Variants in TRMT1 observed in about 807,000 individuals in gnomAD.
TRMT1 encodes the protein tRNA (guanine(26)-N(2))-dimethyltransferase.
A neutral mutation model predicts 75.4 loss-of-function variants in TRMT1; 63 were observed. That is an observed-to-expected ratio of 0.84 (90% CI 0.68 to 1.03). The LOEUF is 1.03. Ranked by LOEUF, TRMT1 falls within the 50% of genes least tolerant of loss-of-function variation. The pLI is 0.00. For missense variants in TRMT1, 870 were observed against 905.3 expected (o/e 0.96, Z 0.50); for synonymous variants, 382 against 358.1 (o/e 1.07, Z -0.75).
At chr19:13,109,085 G>GGGGTGTGTGTGTGT (rs1240966660) in intron 12 of TRMT1, among the ~76,000 whole-genome samples, 2 of 147,272 alleles carry the variant, frequency 1.4e-5, no homozygotes, top group African/African-American at 5.0e-5. Flanking sequence ...CAGGCTAATG[G>GGGGTGTGTGTGTGT]GTGTGTGTGT....
At chr19:13,109,088 GT>G (rs1265675475) in intron 12 of TRMT1, among the ~76,000 whole-genome samples, 4 of 131,724 alleles carry the variant, frequency 3.0e-5, no homozygotes, top group African/African-American at 1.6e-4. Flanking sequence ...GCTAATGGGT[GT>G]GTGTGTGTGT....
chr19:13,110,237 G>C lies in TRMT1; in HGVS notation c.940C>G (p.Leu314Val). ...ACGTAGAAGTCAGCGCTGATGCTGA[G>C]CAGCGGCACCACGAAGCGCTGGTAG... The part of the protein sequence containing the change: ...NCYQRFVVPL[L>V]SISADFYVRV... The change falls in exon 8 of 17, where the codon CTC becomes GTC. Residue 314 changes from leucine (L) to valine (V), a missense_variant. Physicochemically the swap from Leu to Val is conservative, Grantham distance 32. Coordinates refer to ENST00000357720, the MANE Select transcript of TRMT1 (RefSeq NM_001136035.4). 6.2e-7 allele frequency: 1 copy of C among 1,612,076 alleles called. No homozygotes were observed. Among genetic ancestry groups the C allele is most frequent in the East Asian group, 2.2e-5 (1 of 44,790 alleles).
At position 13,116,143 on chromosome 19, in the gene TRMT1, C is replaced by T; in HGVS notation, c.254+3G>A. The T allele has an allele frequency of 1.2e-6, 2 of 1,614,132 alleles. No individual in the cohort carries two copies. Among genetic ancestry groups the T allele is most frequent in the Non-Finnish European group, 1.7e-6 (2 of 1,180,024 alleles). On this transcript the variant is annotated splice_donor_region_variant and intron_variant, in intron 2 of 16. Transcript: ENST00000357720. ...GCCAGGCTAACGTCTGACCCCTGCT[C>T]ACGTCAGGTCCCGATTGAATTCCTG...
At position 13,105,025 on chromosome 19, in the gene TRMT1, C is replaced by T. The variant is rs1270949489; in HGVS notation, c.1890G>A (p.Arg630=). ...AGTCAGGGGCAGCATCAGCAGAAAC[C>T]CTGGGTGTCGGGGGGCTGTGGGAGT... ...CCYSHSPPTP[R]VSADAAPDCP... Residue 630 remains arginine (R), a synonymous_variant, in exon 17 of 17, where the codon AGG becomes AGA. Transcript: ENST00000357720. 3 of 1,611,596 alleles carry T rather than the reference C, an allele frequency of 1.9e-6. No homozygotes were observed. Among genetic ancestry groups the T allele is most frequent in the African/African-American group, 2.7e-5 (2 of 74,876 alleles).
intron 14 of TRMT1, among the ~76,000 whole-genome samples, chr19:13,107,328 T>C (rs1306922843): frequency 6.6e-6 from 1 of 150,930 alleles, no homozygotes; most frequent in Non-Finnish European, 1.5e-5. Flanking sequence ...TTAGTAGAGA[T>C]GGGGTTCCAC....
chr19:13,111,739 G>A (rs562763604), intron 7 of TRMT1, among the ~76,000 whole-genome samples: 5 of 147,254 alleles, frequency 3.4e-5, no homozygotes, highest in South Asian at 2.2e-4. Flanking sequence ...TTGCTCTGTC[G>A]CCCAGGCTGG....
At chr19:13,115,876 G>A in intron 3 of TRMT1, 108 bp from the exon 4 acceptor site, 1 of 1,604,722 alleles carries the variant, frequency 6.2e-7, no homozygotes, top group African/African-American at 1.3e-5. Flanking sequence ...AAGGCTGAAG[G>A]AGCAGAACCC....
At chr19:13,116,506 CTA>C in intron 1 of TRMT1, 75 bp from the exon 2 acceptor site, 1 of 1,437,734 alleles carries the variant, frequency 7.0e-7, no homozygotes, top group Non-Finnish European at 9.3e-7. Flanking sequence ...TCCTACATAT[CTA>C]TGAGGTAGGG....
At chr19:13,108,304 T>C (rs1246876431) in intron 12 of TRMT1, among the ~76,000 whole-genome samples, 1 of 147,490 alleles carries the variant, frequency 6.8e-6, no homozygotes, top group Non-Finnish European at 1.5e-5. Flanking sequence ...ATTTATTATT[T>C]TTTTGAGGTG....
At chr19:13,105,129 C>T in intron 16 of TRMT1, 48 bp from the exon 17 acceptor site, 2 of 1,551,142 alleles carry the variant, frequency 1.3e-6, no homozygotes, top group Non-Finnish European at 1.7e-6. Context: ...GCTCAGCAGC[C>T]CCTGATGGGA....
chr19:13,109,190 T>TA (rs1418896502), intron 12 of TRMT1, among the ~76,000 whole-genome samples, 191 bp downstream of exon 12: 1 of 151,408 alleles, frequency 6.6e-6, no homozygotes, highest in Admixed American at 6.6e-5. Context: ...GATAGGGTCT[T>TA]ACTACGTTGC....
chr19:13,115,699 A>G lies in TRMT1; in HGVS notation c.380T>C (p.Val127Ala). 1 of 1,613,806 alleles carries G rather than the reference A, an allele frequency of 6.2e-7. No individual in the cohort carries two copies. ...VDLSEQEEEKVELKESENLAS... is the reference protein window; with the variant it reads ...VDLSEQEEEKAELKESENLAS... ...CAGGTTTTCACTCTCTTTCAGTTCAACCTTTTCCTCCTCTTGCTCTGACAA... is the reference window on the plus strand; with the variant it reads ...CAGGTTTTCACTCTCTTTCAGTTCAGCCTTTTCCTCCTCTTGCTCTGACAA... The change falls in exon 4 of 17, where the codon GTT becomes GCT. Residue 127 changes from valine (V) to alanine (A), a missense_variant. Physicochemically the swap from Val to Ala is moderately conservative, Grantham distance 64. Coordinates refer to ENST00000357720, the MANE Select transcript of TRMT1 (RefSeq NM_001136035.4).
Position 13,112,703 on chromosome 19 carries a change from A to C in TRMT1, c.870+2T>G. ...CTGGCTGGCTGGCAGAGGGCCCCTCACCATCTCGTGGCAGGCCCGGCTCTT... is the reference window on the plus strand; with the variant it reads ...CTGGCTGGCTGGCAGAGGGCCCCTCCCCATCTCGTGGCAGGCCCGGCTCTT... On this transcript the variant is annotated splice_donor_variant, in intron 7 of 16. Coordinates refer to ENST00000357720, the MANE Select transcript of TRMT1 (RefSeq NM_001136035.4). LOFTEE classifies it high-confidence loss of function. 1 of 1,610,794 alleles carries C rather than the reference A, an allele frequency of 6.2e-7. No homozygotes were observed. Among genetic ancestry groups the C allele is most frequent in the Non-Finnish European group, 8.5e-7 (1 of 1,179,638 alleles).
chr19:13,110,037 T>C (rs2019076948), intron 8 of TRMT1, 36 bp from the exon 9 acceptor site: 1 of 1,612,446 alleles, frequency 6.2e-7, no homozygotes, highest in Non-Finnish European at 8.5e-7. Context: ...GTTCCCAGCG[T>C]GACCACGACA....
At chr19:13,109,888 C>T (rs1011737380) in intron 9 of TRMT1, 27 bp downstream of exon 9, 17 of 1,613,926 alleles carry the variant, frequency 1.1e-5, no homozygotes, top group African/African-American at 2.7e-5. Flanking sequence ...CCTGGGACTC[C>T]CCTTCTTCTC....
Position 13,107,832 on chromosome 19 carries a change from C to G in TRMT1, c.1425G>C (p.Arg475=). The G allele has an allele frequency of 1.3e-6, 2 of 1,551,694 alleles. No individual in the cohort carries two copies. Among genetic ancestry groups the G allele is most frequent in the Non-Finnish European group, 1.7e-6 (2 of 1,146,998 alleles). Residue 475 remains arginine, a synonymous_variant, in exon 13 of 17, where the codon CGG becomes CGC. Transcript: ENST00000357720. ...LRSALLHADF[R]VSLSHACKNA... ...TCTTACAGGCGTGGGAGAGTGAGAC[C>G]CGGAAGTCAGCGTGGAGGAGGGCCG... is the stretch of plus-strand genomic sequence containing the variant.
At position 13,115,301 on chromosome 19, in the gene TRMT1, G is replaced by A; in HGVS notation, c.619C>T (p.Gln207Ter). 6.2e-7 allele frequency: 1 copy of A among 1,613,336 alleles called. No individual in the cohort carries two copies. The highest frequency in any genetic ancestry group is 8.5e-7 in the Non-Finnish European group (1 of 1,179,690). ...VQLNDVAHLV[Q>*]PSQADARMLM... ...TACCGGGCATCTGCTTGGCTCGGCT[G>A]TACCAGGTGGGCCACGTCATTGAGC... The change falls in exon 5 of 17, where the codon CAG (glutamine) becomes TAG (stop). Residue 207 changes from glutamine to a stop codon, truncating the protein, a stop_gained. Coordinates refer to ENST00000357720, the MANE Select transcript of TRMT1 (RefSeq NM_001136035.4). LOFTEE classifies it high-confidence loss of function.
Position 13,107,833 on chromosome 19 carries a change from C to T in TRMT1, c.1424G>A (p.Arg475Gln), listed in dbSNP as rs987103804. The T allele has an allele frequency of 1.3e-5, 20 of 1,551,506 alleles. No homozygotes were observed. The highest frequency in any genetic ancestry group is 9.8e-5 in the Admixed American group (5 of 50,956). The change falls in exon 13 of 17, where the codon CGG (arginine) becomes CAG (glutamine). Residue 475 changes from arginine (R) to glutamine (Q), a missense_variant. Arg to Gln is a conservative substitution (Grantham distance 43). Coordinates refer to ENST00000357720, the MANE Select transcript of TRMT1 (RefSeq NM_001136035.4). The part of the protein sequence containing the change: ...LRSALLHADF[R>Q]VSLSHACKNA... ...CTTACAGGCGTGGGAGAGTGAGACC[C>T]GGAAGTCAGCGTGGAGGAGGGCCGA...
intron 3 of TRMT1, 27 bp from the exon 4 acceptor site, chr19:13,115,795 G>C: frequency 6.2e-7 from 1 of 1,613,676 alleles, no homozygotes; most frequent in South Asian, 1.1e-5. Flanking sequence ...GCACAAGTCA[G>C]AGAATAACAA....
Sources: gnomAD v4.1 joint callset for allele counts (sites outside exome capture counted in the v4.1 genomes callset) on GRCh38, gnomAD v4.1.1 for gene constraint, MANE v1.5 for transcripts, NCBI Gene and HGNC (gene_info 2026-07-23, HGNC 2026-07-21) for gene names.